The following RPS6KA2 variants were observed in gnomAD, a reference collection of about 807,000 sequenced individuals.
The protein encoded by RPS6KA2 is ribosomal protein S6 kinase A2.
RPS6KA2 carries 42 observed loss-of-function variants against 91.8 expected under a neutral mutation model. The ratio of observed to expected loss-of-function variants is 0.46; its 90% CI spans 0.36 to 0.59. The LOEUF (loss-of-function observed/expected upper bound fraction) is 0.59. RPS6KA2 is among the 20% of genes least tolerant of loss of function. The pLI, the probability that RPS6KA2 is intolerant of heterozygous loss-of-function variation, is 0.00. For synonymous variants in RPS6KA2, 414 were observed against 393.6 expected (o/e 1.05, Z -0.61); for missense variants, 798 against 978.5 (o/e 0.82, Z 2.46).
At chr6:166,588,924 T>C (rs1785273048) in intron 1 of RPS6KA2, among the ~76,000 whole-genome samples, 1 of 152,184 alleles carries the variant, frequency 6.6e-6, no homozygotes, top group African/African-American at 2.4e-5. Flanking sequence ...AGGAACACTG[T>C]CGCTTTCTCA....
At chr6:166,615,890 G>T (rs1786391708) in intron 1 of RPS6KA2, among the ~76,000 whole-genome samples, 1 of 152,186 alleles carries the variant, frequency 6.6e-6, no homozygotes, top group South Asian at 2.1e-4. Context: ...GTGAACAAGG[G>T]GATGGATCTG....
intron 3 of RPS6KA2, among the ~76,000 whole-genome samples, chr6:166,515,564 A>G (rs1295595825): frequency 6.6e-6 from 1 of 152,252 alleles, no homozygotes; most frequent in Non-Finnish European, 1.5e-5. Context: ...TCATATCAGC[A>G]TCGGCGTGAC....
At chr6:166,721,237 G>A (rs938265932) in intron 2 of RPS6KA2, among the ~76,000 whole-genome samples, 1 of 152,220 alleles carries the variant, frequency 6.6e-6, no homozygotes, top group South Asian at 2.1e-4. Context: ...GGGACATCGG[G>A]GGTGCGACTG....
At chr6:166,685,553 G>A (rs983976712) in intron 2 of RPS6KA2, among the ~76,000 whole-genome samples, 9 of 152,164 alleles carry the variant, frequency 5.9e-5, no homozygotes, top group Non-Finnish European at 1.3e-4. Flanking sequence ...GCATCTTTGA[G>A]AGTTGTTGGA....
At chr6:166,498,703 G>T (rs1781889445) in intron 7 of RPS6KA2, 53 bp from the exon 8 acceptor site, 2 of 1,600,576 alleles carry the variant, frequency 1.2e-6, no homozygotes, top group Non-Finnish European at 8.5e-7. Context: ...GTGTTCGGGG[G>T]TCCACACTCA....
intron 2 of RPS6KA2, among the ~76,000 whole-genome samples, chr6:166,776,483 G>A (rs1252289915): frequency 3.3e-5 from 5 of 152,298 alleles, no homozygotes; most frequent in South Asian, 2.1e-4. Context: ...TGAATGATGA[G>A]GTGGCGTTTA....
chr6:166,700,345 A>G (rs1220275429), intron 2 of RPS6KA2, among the ~76,000 whole-genome samples: 1 of 152,234 alleles, frequency 6.6e-6, no homozygotes, highest in African/African-American at 2.4e-5. Context: ...AAAAGCCTCA[A>G]AAAACCCTGA....
chr6:166,688,700 C>A (rs908599353), intron 2 of RPS6KA2, among the ~76,000 whole-genome samples: 1 of 152,194 alleles, frequency 6.6e-6, no homozygotes, highest in Non-Finnish European at 1.5e-5. Flanking sequence ...GCGTTGAAAC[C>A]GCAGTTGTGC....
intron 1 of RPS6KA2, among the ~76,000 whole-genome samples, chr6:166,858,994 ACCGG>A (rs1780980104): frequency 6.9e-6 from 1 of 145,560 alleles, no homozygotes; most frequent in Non-Finnish European, 1.5e-5. Context: ...AGCCATCAGC[ACCGG>A]CTGCCATGCA....
chr6:166,797,372 G>T (rs547910918), intron 2 of RPS6KA2, among the ~76,000 whole-genome samples: 60 of 152,078 alleles, frequency 3.9e-4, no homozygotes, highest in African/African-American at 1.4e-3. Flanking sequence ...CAAGAGTTAG[G>T]GACACCCAGC....
rs1018372057 is a variant in RPS6KA2 at position 166,651,727 on chromosome 6, G to A, written c.124-112943C>T. Among the ~76,000 whole-genome samples the A allele has an allele frequency of 1.5e-4, 23 of 152,232 alleles. 1 individual carries two copies. Among genetic ancestry groups the A allele is most frequent in the Admixed American group, 1.2e-3 (19 of 15,276 alleles). On this transcript the variant is annotated intron_variant, in intron 2 of 21. Transcript: ENST00000503859. ...GATGCTTCGATCTGATGACGATGGT[G>A]TTTATGCAGTGATGTGTGGCTCACA...
chr6:166,842,774 T>A (rs1442375726), intron 2 of RPS6KA2, among the ~76,000 whole-genome samples: 1 of 152,174 alleles, frequency 6.6e-6, no homozygotes, highest in Non-Finnish European at 1.5e-5. Context: ...AGATGGTGGA[T>A]AGGAGGCAGG....
chr6:166,855,548 A>G (rs527760828), intron 2 of RPS6KA2, among the ~76,000 whole-genome samples: 1 of 152,298 alleles, frequency 6.6e-6, no homozygotes, highest in Non-Finnish European at 1.5e-5. Flanking sequence ...GGTTCAGAAT[A>G]TGGCTCTTTT....
At position 166,824,069 on chromosome 6, in the gene RPS6KA2, T is replaced by TGA. The variant is rs1392029208; in HGVS notation, c.123+34129_123+34130dup. 2.0e-5 allele frequency among the ~76,000 whole-genome samples: 3 copies of TGA among 152,326 alleles called. No homozygotes were observed. The East Asian group carries it at 5.8e-4, about 29-fold the overall frequency. ...CTGGTTGGTTGTGTATGTGTGTGTG[T>TGA]GATGTGTATGTGCTTGTTTATATGT... On this transcript the variant is annotated intron_variant, in intron 2 of 21. Transcript: ENST00000503859.
intron 1 of RPS6KA2, among the ~76,000 whole-genome samples, chr6:166,606,540 A>G (rs1417892493): frequency 6.6e-6 from 1 of 152,258 alleles, no homozygotes; most frequent in African/African-American, 2.4e-5. Flanking sequence ...AATACCATCA[A>G]GAAAATGAAA....
chr6:166,630,020 G>T (rs1177574361), upstream of RPS6KA2, among the ~76,000 whole-genome samples: 1 of 152,198 alleles, frequency 6.6e-6, no homozygotes, highest in East Asian at 1.9e-4. Flanking sequence ...CGTAAGAGAT[G>T]AATGAGAAGC....
chr6:166,661,241 C>T (rs1359122769), intron 2 of RPS6KA2, among the ~76,000 whole-genome samples: 4 of 152,296 alleles, frequency 2.6e-5, no homozygotes, highest in African/African-American at 9.6e-5. Flanking sequence ...GCTGGGATCA[C>T]AGGTGCCCAT....
chr6:166,495,858 G>A lies in RPS6KA2; in HGVS notation c.747+2650C>T, dbSNP rs898520241. On this transcript the variant is annotated intron_variant, in intron 8 of 20. Transcript: ENST00000265678. The surrounding 1 kb of genome is among the most constrained non-coding windows in gnomAD (Gnocchi z 4.4). ...GGGTCAGCAAAGGCCACTGGGAGTG[G>A]TGCTTCTGTCTTAGGGCTGATGGTG... 3.9e-5 allele frequency among the ~76,000 whole-genome samples: 6 copies of A among 152,222 alleles called. No homozygotes were observed. Among genetic ancestry groups the A allele is most frequent in the African/African-American group, 9.6e-5 (4 of 41,452 alleles).
At chr6:166,594,835 G>A (rs1041306720) in intron 1 of RPS6KA2, among the ~76,000 whole-genome samples, 6 of 152,104 alleles carry the variant, frequency 3.9e-5, no homozygotes, top group Admixed American at 6.5e-5. Flanking sequence ...AAGGTTCTCA[G>A]AACACCAAAG....
Sources: allele counts gnomAD v4.1 joint callset (sites outside exome capture counted in the v4.1 genomes callset), GRCh38; gene constraint gnomAD v4.1.1; non-coding constraint Gnocchi (gnomAD v3.1); transcripts MANE v1.5; gene names NCBI Gene and HGNC (gene_info 2026-07-23, HGNC 2026-07-21).